The following RFC5 variants were observed in gnomAD, a reference collection of about 807,000 sequenced individuals.
The protein encoded by RFC5 is replication factor C subunit 5.
A neutral mutation model predicts 44.3 loss-of-function variants in RFC5; 26 were observed. The observed-to-expected ratio is 0.59, with a 90% CI of 0.43 to 0.81. RFC5 has a LOEUF of 0.81. RFC5 is among the 40% of genes least tolerant of loss of function. The pLI is 0.00. For missense variants in RFC5, 328 were observed against 418.6 expected, an observed-to-expected ratio of 0.78 and a Z score of 1.89; for synonymous variants, 155 against 155.2, an observed-to-expected ratio of 1.00 and a Z score of 0.01.
rs1245391327 is a variant in RFC5, at chr12:118,025,006, G to A, written c.577G>A (p.Glu193Lys). The A allele has an allele frequency of 2.2e-5, 35 of 1,612,694 alleles. No individual in the cohort carries two copies. The highest frequency in any genetic ancestry group is 2.9e-5 in the Non-Finnish European group (34 of 1,179,638). The change falls in exon 6 of 11, where the codon GAG becomes AAG. Residue 193 changes from glutamate (E) to lysine (K), a missense_variant. Coordinates refer to ENST00000454402, the MANE Select transcript of RFC5 (RefSeq NM_007370.7). ...CCGCCTGGAACATGTCGTGGAAGAA[G>A]AGAAGTGAGTATTTTGCGGGCCTTT... Reference protein sequence around the residue: ...VPRLEHVVEEEKVDISEDGMK... With the variant: ...VPRLEHVVEEKKVDISEDGMK...
At chr12:118,017,699 C>T in intron 1 of RFC5, 1 of 811,294 alleles carries the variant, frequency 1.2e-6, no homozygotes, top group Non-Finnish European at 1.8e-6. Flanking sequence ...GAGACAGGGT[C>T]TCGCTCTGTC....
chr12:118,017,638 G>A, intron 1 of RFC5: 7 of 1,026,124 alleles, frequency 6.8e-6, no homozygotes, highest in Non-Finnish European at 8.5e-6. Flanking sequence ...AAAAAACCCA[G>A]AAGATTGACA....
At chr12:118,036,126 C>T (rs752173598), downstream of RFC5, 53 of 451,304 alleles carry the variant, frequency 1.2e-4, no homozygotes, top group Admixed American at 2.9e-4. Context: ...CGCTTGAACC[C>T]GGGAGGTGGA....
intron 6 of RFC5, 118 bp downstream of exon 6, chr12:118,025,128 C>G (rs889866320): frequency 5.7e-6 from 5 of 883,974 alleles, no homozygotes; most frequent in Non-Finnish European, 8.5e-6. Context: ...GAGTGCCTAG[C>G]ACAGGGGAGG....
At chr12:118,034,590 T>G, downstream of RFC5, 1 of 542,868 alleles carries the variant, frequency 1.8e-6, no homozygotes, top group Non-Finnish European at 3.2e-6. Context: ...TCTGTCTCTC[T>G]CTCGGCACAG....
At chr12:118,028,902 G>A (rs181743623) in intron 9 of RFC5, among the ~76,000 whole-genome samples, 273 of 152,310 alleles carry the variant, frequency 1.8e-3, no homozygotes, top group African/African-American at 6.2e-3. Flanking sequence ...GACTTGTGTA[G>A]GCTTTCGGAG....
downstream of RFC5, chr12:118,034,551 C>A (rs1383292090): frequency 1.6e-5 from 10 of 644,412 alleles, no homozygotes; most frequent in Non-Finnish European, 2.5e-5. Context: ...TAGAAAAACT[C>A]AAGACACCTG....
At chr12:118,022,458 G>A in intron 5 of RFC5, 99 bp downstream of exon 5, 1 of 858,572 alleles carries the variant, frequency 1.2e-6, no homozygotes, top group South Asian at 1.5e-5. Context: ...TTTTTAGGCG[G>A]GGGGGAGTTT....
intron 1 of RFC5, among the ~76,000 whole-genome samples, chr12:118,017,315 T>G (rs1396884710): frequency 6.6e-6 from 1 of 152,216 alleles, no homozygotes; most frequent in Non-Finnish European, 1.5e-5. Context: ...TGGCATATTA[T>G]TAGATTAGCA....
At chr12:118,029,217 T>C (rs1392091804) in intron 9 of RFC5, among the ~76,000 whole-genome samples, 2 of 152,196 alleles carry the variant, frequency 1.3e-5, no homozygotes, top group African/African-American at 2.4e-5. Context: ...CCCAGGAGTT[T>C]GAGACCAGCC....
Position 118,019,835 on chromosome 12 carries a change from T to C in RFC5, c.267+67T>C. The C allele has an allele frequency of 7.4e-7, 1 of 1,344,708 alleles. No individual in the cohort carries two copies. Among genetic ancestry groups the C allele is most frequent in the Non-Finnish European group, 1.0e-6 (1 of 964,632 alleles). 83.3% of individuals were successfully genotyped at this position (1,344,708 alleles called of 1,614,324 possible). A position where few individuals can be genotyped will look rare whatever the true frequency, so the allele number is the denominator to read the frequency against. ...TCCAGTCTCTTAATTTCAGTTCTGCTGGTTTTATTTTACTTTAAAAGTAAG... is the reference window on the plus strand; with the variant it reads ...TCCAGTCTCTTAATTTCAGTTCTGCCGGTTTTATTTTACTTTAAAAGTAAG... On this transcript the variant is annotated intron_variant, in intron 3 of 10. Coordinates refer to ENST00000454402, the MANE Select transcript of RFC5 (RefSeq NM_007370.7). The surrounding 1 kb of genome is among the most constrained non-coding windows in gnomAD (Gnocchi z 4.2).
the RFC5 span, among the ~76,000 whole-genome samples, chr12:118,039,516 T>C: frequency 6.6e-6 from 1 of 151,734 alleles, no homozygotes; most frequent in African/African-American, 2.4e-5. Flanking sequence ...ATTATACAAG[T>C]AGACAGAAAA....
chr12:118,040,946 G>A, the RFC5 span, among the ~76,000 whole-genome samples: 1 of 152,262 alleles, frequency 6.6e-6, no homozygotes, highest in Admixed American at 6.5e-5. Context: ...CTACTTGGGA[G>A]GCTGAGACAC....
intron 1 of RFC5, chr12:118,017,967 GT>G (rs1566119504): frequency 1.7e-5 from 12 of 693,052 alleles, no homozygotes; most frequent in South Asian, 1.7e-4. Context: ...CCCATTGACA[GT>G]TACTCCCCAT....
chr12:118,031,093 A>C, intron 10 of RFC5, 89 bp from the exon 11 acceptor site: 1 of 865,912 alleles, frequency 1.2e-6, no homozygotes, highest in Non-Finnish European at 1.9e-6. Flanking sequence ...CTCCTTCAAC[A>C]GATTTTCAGC....
downstream of RFC5, chr12:118,035,413 C>G: frequency 1.7e-6 from 2 of 1,183,430 alleles, no homozygotes; most frequent in South Asian, 2.6e-5. Flanking sequence ...CCAAACTGCC[C>G]TGGCTACAAA....
At chr12:118,027,126 C>T (rs747164534) in intron 8 of RFC5, 108 bp downstream of exon 8, 60 of 1,126,778 alleles carry the variant, frequency 5.3e-5, no homozygotes, top group African/African-American at 7.7e-5. Flanking sequence ...TGGCTGCAGG[C>T]GACTCTGGTC....
At chr12:118,033,307 C>G (rs1038013270), downstream of RFC5, 1 of 152,502 alleles carries the variant, frequency 6.6e-6, no homozygotes, top group Non-Finnish European at 1.5e-5. Flanking sequence ...CATGACTACA[C>G]CAATTCTTTA....
At chr12:118,036,394 G>A (rs778484500), downstream of RFC5, 10 of 1,614,058 alleles carry the variant, frequency 6.2e-6, no homozygotes, top group Non-Finnish European at 7.6e-6. Context: ...CATTGGTATC[G>A]TAAGAAGCCG....
Sources: allele counts gnomAD v4.1 joint callset (sites outside exome capture counted in the v4.1 genomes callset), GRCh38; gene constraint gnomAD v4.1.1; non-coding constraint Gnocchi (gnomAD v3.1); transcripts MANE v1.5; gene names NCBI Gene and HGNC (gene_info 2026-07-23, HGNC 2026-07-21).